The following GSG1L variants were observed in gnomAD, a reference collection of about 807,000 sequenced individuals.
The protein encoded by GSG1L is GSG1 like.
Under a neutral mutation model 42.1 loss-of-function variants are expected in GSG1L, and 24 were observed. The ratio of observed to expected loss-of-function variants is 0.57; its 90% CI spans 0.41 to 0.80. The LOEUF is 0.80. GSG1L is among the 30% of genes least tolerant of loss of function. The probability of loss-of-function intolerance (pLI) is 0.00; values close to 1 mark genes in which losing one functional copy is unlikely to be tolerated. For synonymous variants in GSG1L, 215 were observed against 203.5 expected, an observed-to-expected ratio of 1.06 and a Z score of -0.48; for missense variants, 445 against 472.2, an observed-to-expected ratio of 0.94 and a Z score of 0.53.
At chr16:27,902,255 G>A (rs1022780355) in intron 2 of GSG1L, among the ~76,000 whole-genome samples, 1 of 152,220 alleles carries the variant, frequency 6.6e-6, no homozygotes, top group Non-Finnish European at 1.5e-5. Flanking sequence ...GATGGCCAGA[G>A]TTGTTCAGCA....
chr16:27,844,807 C>T (rs1055226786), intron 4 of GSG1L, 143 bp downstream of exon 4: 11 of 515,008 alleles, frequency 2.1e-5, no homozygotes, highest in African/African-American at 5.7e-5. Flanking sequence ...GGTCTTAAAG[C>T]GCCTTTGGAC....
At chr16:27,850,134 T>A (rs2083493231) in intron 3 of GSG1L, among the ~76,000 whole-genome samples, 1 of 143,472 alleles carries the variant, frequency 7.0e-6, no homozygotes, top group Non-Finnish European at 1.5e-5. Context: ...GTTCAAGTGA[T>A]TCTCCTGCCT....
intron 6 of GSG1L, among the ~76,000 whole-genome samples, chr16:27,803,942 G>T (rs2082921727): frequency 6.6e-6 from 1 of 151,636 alleles, no homozygotes; most frequent in Non-Finnish European, 1.5e-5. Flanking sequence ...GGATAGATTA[G>T]ATAGATGGTA....
chr16:27,807,391 G>A (rs1313592758), intron 6 of GSG1L, 96 bp downstream of exon 6: 2 of 937,062 alleles, frequency 2.1e-6, no homozygotes, highest in East Asian at 2.6e-5. Context: ...GGGTGCAGTG[G>A]GGGGTGGGGG....
chr16:27,986,535 TG>T (rs2085386204), intron 1 of GSG1L, among the ~76,000 whole-genome samples: 1 of 147,274 alleles, frequency 6.8e-6, no homozygotes, highest in Non-Finnish European at 1.5e-5. Context: ...TAGAAAAGTG[TG>T]ATTTGGATAC....
chr16:27,913,803 G>A (rs1369281234), intron 2 of GSG1L, among the ~76,000 whole-genome samples: 1 of 151,952 alleles, frequency 6.6e-6, no homozygotes, highest in Non-Finnish European at 1.5e-5. Context: ...CAGGGCTACA[G>A]CAATGACCTA....
intron 1 of GSG1L, among the ~76,000 whole-genome samples, chr16:28,000,808 T>C (rs1341979974): frequency 6.6e-6 from 1 of 152,094 alleles, no homozygotes; most frequent in Non-Finnish European, 1.5e-5. Context: ...CCCCCAACAG[T>C]GTTAGCCCTT....
chr16:27,940,035 C>T (rs8062767), intron 2 of GSG1L, among the ~76,000 whole-genome samples: 109,049 of 152,064 alleles, frequency 0.72, 39,340 homozygotes, highest in Non-Finnish European at 0.75. Flanking sequence ...CATCAAAAAG[C>T]GGGCAAGGAT....
intron 1 of GSG1L, among the ~76,000 whole-genome samples, chr16:28,017,436 C>A (rs928314362): frequency 6.6e-6 from 1 of 152,206 alleles, no homozygotes; most frequent in Non-Finnish European, 1.5e-5. Context: ...AGTAATACGT[C>A]TTTCCCTGTG....
intron 1 of GSG1L, among the ~76,000 whole-genome samples, chr16:28,046,084 A>C (rs545328981): frequency 2.0e-5 from 3 of 152,212 alleles, no homozygotes; most frequent in African/African-American, 7.2e-5. Context: ...AATGGGAAAA[A>C]TCATGTAGGA....
At chr16:27,845,195 G>C in intron 3 of GSG1L, 134 bp from the exon 4 acceptor site, 1 of 579,646 alleles carries the variant, frequency 1.7e-6, no homozygotes, top group Non-Finnish European at 3.1e-6. Flanking sequence ...CTGGGTAAGG[G>C]AGGTCAGCAG....
At chr16:27,986,799 TGTAA>T (rs911082455) in intron 1 of GSG1L, among the ~76,000 whole-genome samples, 1 of 152,256 alleles carries the variant, frequency 6.6e-6, no homozygotes, top group Admixed American at 6.5e-5. Flanking sequence ...TTTTCACATC[TGTAA>T]GTATTAGGCC....
chr16:28,020,410 C>A (rs1181669104), intron 1 of GSG1L, among the ~76,000 whole-genome samples: 1 of 152,330 alleles, frequency 6.6e-6, no homozygotes. Flanking sequence ...ATGTGTCTGG[C>A]AGCATTTCTG....
In GSG1L at chr16:27,791,246, C is replaced by T; in HGVS notation, c.*124G>A. 1 of 552,820 alleles carries T rather than the reference C, an allele frequency of 1.8e-6. No homozygotes were observed. The highest frequency in any genetic ancestry group is 2.9e-6 in the Non-Finnish European group (1 of 341,216). The allele number at this position is 552,820 out of a possible 1,614,324, so 34.2% of individuals were successfully genotyped here. On this transcript the variant is annotated 3_prime_UTR_variant, in exon 7 of 7. Coordinates refer to ENST00000447459, the MANE Select transcript of GSG1L (RefSeq NM_001109763.2). ...ATGGGCAGGACAGGCCTGGCATCTC[C>T]CACGCAGGCTGACTGAGTTCACGGC...
At position 27,891,123 on chromosome 16, in the gene GSG1L, C is replaced by T. The variant is rs532334982; in HGVS notation, c.398-6485G>A. Among the ~76,000 whole-genome samples the T allele has an allele frequency of 2.6e-5, 4 of 152,250 alleles. No individual in the cohort carries two copies. In the South Asian group the frequency reaches 8.3e-4, roughly 32 times the overall value. On this transcript the variant is annotated intron_variant, in intron 2 of 6. Transcript: ENST00000447459. ...CCCCCATCCCCAGAAGCAGCCGTCC[C>T]CCCGTGCCAAGTGTAAGCTGGTGAA...
chr16:27,806,234 C>T lies in GSG1L; in HGVS notation c.898+1253G>A, dbSNP rs556366503. On this transcript the variant is annotated intron_variant, in intron 6 of 6. Transcript: ENST00000447459. Reference sequence around the variant, plus strand: ...GGTTCACTTCAGCACCATCTCCTGTCCCTCACAGGCCAAAATTGGGCTCTC... The same window carrying T: ...GGTTCACTTCAGCACCATCTCCTGTTCCTCACAGGCCAAAATTGGGCTCTC... Among the ~76,000 whole-genome samples the T allele has an allele frequency of 3.0e-4, 45 of 152,246 alleles. No individual in the cohort carries two copies. The South Asian group carries it at 4.4e-3, about 15-fold the overall frequency.
At chr16:27,874,711 C>T (rs764587148) in intron 3 of GSG1L, among the ~76,000 whole-genome samples, 2 of 152,066 alleles carry the variant, frequency 1.3e-5, no homozygotes, top group Non-Finnish European at 2.9e-5. Flanking sequence ...GCATTGAGAC[C>T]CTTGCCAACC....
intron 2 of GSG1L, among the ~76,000 whole-genome samples, chr16:27,909,963 T>C (rs1439529244): frequency 2.7e-5 from 4 of 147,320 alleles, no homozygotes; most frequent in Admixed American, 2.0e-4. Flanking sequence ...TTCTTTTTTT[T>C]TTTTTTTTTT....
At chr16:27,855,827 A>AG (rs1743958046) in intron 3 of GSG1L, among the ~76,000 whole-genome samples, 1 of 151,842 alleles carries the variant, frequency 6.6e-6, no homozygotes, top group Non-Finnish European at 1.5e-5. Context: ...ATCACCCTCA[A>AG]GGGTCATGAG....
Sources: allele counts gnomAD v4.1 joint callset (sites outside exome capture counted in the v4.1 genomes callset), GRCh38; gene constraint gnomAD v4.1.1; transcripts MANE v1.5; gene names NCBI Gene and HGNC (gene_info 2026-07-23, HGNC 2026-07-21).